Variants in FAM3C observed in about 807,000 individuals in gnomAD.
The protein encoded by FAM3C is FAM3 metabolism regulating signaling molecule C.
FAM3C carries 15 observed loss-of-function variants against 32.5 expected under a neutral mutation model. The ratio of observed to expected loss-of-function variants is 0.46; its 90% CI spans 0.31 to 0.71. The LOEUF (loss-of-function observed/expected upper bound fraction) is 0.71, where lower values mean the gene tolerates loss of function less well. FAM3C is among the 30% of genes least tolerant of loss of function. FAM3C has a pLI of 0.05. For synonymous variants in FAM3C, 75 were observed against 86.1 expected, an observed-to-expected ratio of 0.87 and a Z score of 0.72; for missense variants, 175 against 274.4, an observed-to-expected ratio of 0.64 and a Z score of 2.56.
At chr7:121,374,083 A>G (rs1264630038) in intron 3 of FAM3C, among the ~76,000 whole-genome samples, 1 of 152,196 alleles carries the variant, frequency 6.6e-6, no homozygotes. Context: ...CAGTTCACTT[A>G]CTAGCTAAGT....
intron 3 of FAM3C, among the ~76,000 whole-genome samples, chr7:121,374,473 T>C (rs1039918926): frequency 1.3e-5 from 2 of 152,128 alleles, no homozygotes; most frequent in Non-Finnish European, 2.9e-5. Context: ...GTTTAAAAAA[T>C]GGAAAACGAA....
At chr7:121,364,669 C>A (rs1793989529) in intron 5 of FAM3C, 2 of 153,016 alleles carry the variant, frequency 1.3e-5, no homozygotes, top group Admixed American at 6.5e-5. Context: ...TGAACATTCT[C>A]CTAGTGATTA....
intron 5 of FAM3C, 147 bp from the exon 6 acceptor site, chr7:121,364,335 AAGTC>A (rs2116897426): frequency 1.7e-6 from 1 of 604,186 alleles, no homozygotes; most frequent in Non-Finnish European, 3.0e-6. Context: ...GATCTCTACT[AAGTC>A]AGAGAAGACA....
chr7:121,361,049 C>T (rs979893294), intron 7 of FAM3C, among the ~76,000 whole-genome samples: 1 of 152,132 alleles, frequency 6.6e-6, no homozygotes, highest in Non-Finnish European at 1.5e-5. Context: ...TAGGTGATCA[C>T]TAAAAGCCAA....
At chr7:121,385,651 AAC>A (rs1794450960) in intron 1 of FAM3C, among the ~76,000 whole-genome samples, 1 of 152,228 alleles carries the variant, frequency 6.6e-6, no homozygotes, top group Admixed American at 6.5e-5. Flanking sequence ...CTTCAGGAAC[AAC>A]AGAGTAAAAT....
chr7:121,380,958 A>G (rs780118895), intron 2 of FAM3C, among the ~76,000 whole-genome samples: 1 of 152,086 alleles, frequency 6.6e-6, no homozygotes, highest in Non-Finnish European at 1.5e-5. Flanking sequence ...GTTCACTTAC[A>G]CTGAACCATC....
At chr7:121,394,723 T>C (rs1584714032) in intron 1 of FAM3C, among the ~76,000 whole-genome samples, 1 of 152,220 alleles carries the variant, frequency 6.6e-6, no homozygotes, top group African/African-American at 2.4e-5. Flanking sequence ...ACTTTATTGG[T>C]AAACAGCCAA....
chr7:121,382,973 T>A lies in FAM3C; in HGVS notation c.-4A>T. 1 of 1,603,174 alleles carries A rather than the reference T, an allele frequency of 6.2e-7. No individual in the cohort carries two copies. The highest frequency in any genetic ancestry group is 8.5e-7 in the Non-Finnish European group (1 of 1,172,978). ...ATATCTTACCTGCTACCCTCATGTT[T>A]GGTTTTTCAGTTTATGGCACTTTTC... On this transcript the variant is annotated 5_prime_UTR_variant, in exon 2 of 10. Coordinates refer to ENST00000359943, the MANE Select transcript of FAM3C (RefSeq NM_014888.3).
chr7:121,383,099 G>T, intron 1 of FAM3C, 89 bp from the exon 2 acceptor site: 2 of 608,592 alleles, frequency 3.3e-6, no homozygotes, highest in Non-Finnish European at 5.6e-6. Flanking sequence ...ATATAAACTA[G>T]TAAATTTTAT....
intron 3 of FAM3C, among the ~76,000 whole-genome samples, chr7:121,375,108 A>G (rs542607898): frequency 9.2e-5 from 14 of 152,206 alleles, no homozygotes; most frequent in Non-Finnish European, 1.5e-4. Flanking sequence ...AAAAAGAAAA[A>G]AAATTATATA....
intron 3 of FAM3C, among the ~76,000 whole-genome samples, chr7:121,372,586 G>T (rs553187836): frequency 3.0e-4 from 45 of 152,270 alleles, no homozygotes; most frequent in Middle Eastern, 3.4e-3. Flanking sequence ...TTAGGAGATT[G>T]CGAGGGCCAG....
chr7:121,351,336 G>C, intron 8 of FAM3C, 67 bp from the exon 9 acceptor site: 1 of 1,370,966 alleles, frequency 7.3e-7, no homozygotes, highest in African/African-American at 1.4e-5. Context: ...TGGTTCACTG[G>C]GATATTAACA....
intron 1 of FAM3C, among the ~76,000 whole-genome samples, chr7:121,390,052 T>C (rs1794544680): frequency 6.6e-6 from 1 of 152,174 alleles, no homozygotes; most frequent in Non-Finnish European, 1.5e-5. Context: ...AAACTCCTCA[T>C]TGCAATCAAA....
chr7:121,393,142 C>A (rs572718859), intron 1 of FAM3C, among the ~76,000 whole-genome samples: 5 of 152,190 alleles, frequency 3.3e-5, no homozygotes, highest in African/African-American at 1.2e-4. Context: ...ACATCATGAA[C>A]GTGCTAAATG....
intron 8 of FAM3C, among the ~76,000 whole-genome samples, chr7:121,352,795 T>C (rs1415421855): frequency 6.6e-6 from 1 of 152,242 alleles, no homozygotes; most frequent in African/African-American, 2.4e-5. Context: ...CCTTGTTTTC[T>C]TGTTTCCAAA....
chr7:121,384,985 A>C (rs759693091), intron 1 of FAM3C, among the ~76,000 whole-genome samples: 1 of 152,184 alleles, frequency 6.6e-6, no homozygotes, highest in Non-Finnish European at 1.5e-5. Flanking sequence ...ATATTTACAT[A>C]CAATTATCTT....
chr7:121,383,069 G>T (rs1302613138), intron 1 of FAM3C, 59 bp from the exon 2 acceptor site: 2 of 893,334 alleles, frequency 2.2e-6, no homozygotes, highest in Non-Finnish European at 3.5e-6. Flanking sequence ...TTCCTCCTTA[G>T]ATTGAGTTTG....
At chr7:121,372,069 C>A (rs369981064) in intron 4 of FAM3C, 41 bp downstream of exon 4, 27 of 1,494,638 alleles carry the variant, frequency 1.8e-5, no homozygotes, top group Non-Finnish European at 2.5e-5. Flanking sequence ...ATGCCTAAGG[C>A]AGAATAAATC....
chr7:121,351,123 T>C lies in FAM3C; in HGVS notation c.594+20A>G. 6.2e-7 allele frequency: 1 copy of C among 1,601,848 alleles called. No homozygotes were observed. The highest frequency in any genetic ancestry group is 8.5e-7 in the Non-Finnish European group (1 of 1,174,240). On this transcript the variant is annotated intron_variant, in intron 9 of 9. Coordinates refer to ENST00000359943, the MANE Select transcript of FAM3C (RefSeq NM_014888.3). ...TCACAGAATTTGTTTTTGTTAATTC[T>C]GAGAGTCTATGACACTAACCTGTTC...
Sources: gnomAD v4.1 joint callset for allele counts (sites outside exome capture counted in the v4.1 genomes callset) on GRCh38, gnomAD v4.1.1 for gene constraint, MANE v1.5 for transcripts, NCBI Gene and HGNC (gene_info 2026-07-23, HGNC 2026-07-21) for gene names.